Variants in OR14I1 observed in about 807,000 individuals in gnomAD.
OR14I1 encodes the protein olfactory receptor family 14 subfamily I member 1, also known as olfactory receptor 14I1.
For missense variants in OR14I1, 279 were observed against 181.8 expected (o/e 1.53, Z -3.07); for synonymous variants, 118 against 71.1 (o/e 1.66, Z -3.32).
chr1:248,686,657 T>A (rs945083781), upstream of OR14I1, among the ~76,000 whole-genome samples: 5 of 124,832 alleles, frequency 4.0e-5, 2 homozygotes, highest in African/African-American at 1.4e-4. Context: ...AAACATGTCT[T>A]GATTTTTTTC....
downstream of OR14I1, among the ~76,000 whole-genome samples, chr1:248,680,297 C>T (rs937122854): frequency 1.6e-4 from 24 of 152,088 alleles, no homozygotes; most frequent in African/African-American, 5.6e-4. Flanking sequence ...ATTGTATTTT[C>T]CCAATTGTTT....
At chr1:248,697,095 T>G in the OR14I1 span, 1 of 152,156 alleles carries the variant, frequency 6.6e-6, no homozygotes, top group Non-Finnish European at 1.5e-5. Context: ...GCTCCAGTGG[T>G]TTTAAGTGCC....
the OR14I1 span, among the ~76,000 whole-genome samples, chr1:248,696,784 A>T: frequency 6.6e-6 from 1 of 151,858 alleles, no homozygotes; most frequent in South Asian, 2.1e-4. Context: ...GACATATCAT[A>T]TTTTTTTCTT....
the OR14I1 span, among the ~76,000 whole-genome samples, chr1:248,690,810 T>A: frequency 1.3e-5 from 2 of 150,880 alleles, no homozygotes; most frequent in African/African-American, 4.9e-5. Flanking sequence ...TTCACACCAA[T>A]ATCGCTGATG....
chr1:248,680,029 G>C (rs148179352), downstream of OR14I1, among the ~76,000 whole-genome samples: 1 of 152,252 alleles, frequency 6.6e-6, no homozygotes, highest in African/African-American at 2.4e-5. Context: ...AAGCATTCAA[G>C]TAAAATTTTA....
chr1:248,686,459 G>A (rs182393310), upstream of OR14I1, among the ~76,000 whole-genome samples: 3 of 151,890 alleles, frequency 2.0e-5, no homozygotes, highest in Admixed American at 2.0e-4. Flanking sequence ...GCAACACTGA[G>A]GAACAAAACC....
At chr1:248,681,562 A>C in exon 1 of OR14I1, 1 of 781,054 alleles carries the variant, frequency 1.3e-6, no homozygotes. Context: ...GGTAAGAAAG[A>C]GCATGATGAC....
the OR14I1 span, among the ~76,000 whole-genome samples, chr1:248,694,849 C>T: frequency 4.6e-5 from 7 of 152,186 alleles, no homozygotes; most frequent in African/African-American, 1.7e-4. Flanking sequence ...CCCCTCATTG[C>T]AATTTTAATT....
At chr1:248,690,776 CA>C in the OR14I1 span, among the ~76,000 whole-genome samples, 21 of 148,550 alleles carry the variant, frequency 1.4e-4, no homozygotes, top group African/African-American at 2.0e-4. Flanking sequence ...GAGACACAAC[CA>C]AAAAAAAAAA....
chr1:248,682,387 A>G, upstream of OR14I1: 1 of 632,582 alleles, frequency 1.6e-6, no homozygotes. Context: ...ACAGTGTGGT[A>G]GGAGTAATAT....
chr1:248,689,156 G>A, the OR14I1 span, among the ~76,000 whole-genome samples: 57 of 152,186 alleles, frequency 3.7e-4, no homozygotes, highest in Non-Finnish European at 1.0e-4. Context: ...AGTCCCCATA[G>A]CTGGCGTATT....
chr1:248,690,775 C>CAA, the OR14I1 span, among the ~76,000 whole-genome samples: 3 of 120,784 alleles, frequency 2.5e-5, no homozygotes, highest in African/African-American at 6.1e-5. Flanking sequence ...AGAGACACAA[C>CAA]CAAAAAAAAA....
the OR14I1 span, among the ~76,000 whole-genome samples, chr1:248,698,136 G>A: frequency 1.3e-5 from 2 of 152,308 alleles, no homozygotes; most frequent in South Asian, 2.1e-4. Context: ...GTTCATCTAA[G>A]TGAGGTAATT....
At chr1:248,700,558 A>G in the OR14I1 span, among the ~76,000 whole-genome samples, 1 of 152,236 alleles carries the variant, frequency 6.6e-6, no homozygotes, top group Non-Finnish European at 1.5e-5. Context: ...ATGTCTCTCA[A>G]AGAAAAAAAT....
At position 248,681,469 on chromosome 1, in the gene OR14I1, A is replaced by T. The variant is rs1166591446; in HGVS notation, c.836T>A (p.Leu279Ter). The change falls in exon 1 of 1, where the codon TTG (leucine) becomes TAG (stop). Residue 279 changes from leucine (L) to a stop codon, truncating the protein, a stop_gained. Transcript: ENST00000342623. LOFTEE classifies it low-confidence loss of function (END_TRUNC). ...TATGATGGGATTGAGGAAGGGAGGCAAAACTGTGTATGTCAGAGCAATCAC... is the reference window on the plus strand; with the variant it reads ...TATGATGGGATTGAGGAAGGGAGGCTAAACTGTGTATGTCAGAGCAATCAC... The T allele has an allele frequency of 2.6e-6, 2 of 780,978 alleles. No individual in the cohort carries two copies. The highest frequency in any genetic ancestry group is 4.8e-5 in the East Asian group (2 of 41,262). 48.4% of individuals were successfully genotyped at this position (780,978 alleles called of 1,614,324 possible).
At chr1:248,688,787 A>G in the OR14I1 span, among the ~76,000 whole-genome samples, 2 of 152,246 alleles carry the variant, frequency 1.3e-5, no homozygotes, top group Non-Finnish European at 2.9e-5. Flanking sequence ...CAGGGTTCCC[A>G]TGGGAGAAGC....
chr1:248,690,324 C>G, the OR14I1 span, among the ~76,000 whole-genome samples: 3 of 151,816 alleles, frequency 2.0e-5, no homozygotes, highest in Admixed American at 6.6e-5. Flanking sequence ...AATAGATAGA[C>G]CACCAAGCTA....
downstream of OR14I1, among the ~76,000 whole-genome samples, chr1:248,678,420 G>A (rs1038487866): frequency 6.6e-6 from 1 of 152,158 alleles, no homozygotes; most frequent in South Asian, 2.1e-4. Context: ...CATGTGCAAT[G>A]TTTTCTCTGG....
chr1:248,679,397 T>C (rs779501199), downstream of OR14I1, among the ~76,000 whole-genome samples: 1 of 151,614 alleles, frequency 6.6e-6, no homozygotes, highest in Non-Finnish European at 1.5e-5. Context: ...ACTAATATAA[T>C]ATATATTGTA....
Sources: allele counts gnomAD v4.1 joint callset (sites outside exome capture counted in the v4.1 genomes callset), GRCh38; gene constraint gnomAD v4.1.1; transcripts MANE v1.5; gene names NCBI Gene and HGNC (gene_info 2026-07-23, HGNC 2026-07-21).